MRTFB: variants seen among roughly 807,000 people sequenced by gnomAD.
MRTFB encodes the protein myocardin related transcription factor B, also known as myocardin-related transcription factor B.
Under a neutral mutation model 104.2 loss-of-function variants are expected in MRTFB, and 29 were observed. That is an observed-to-expected ratio of 0.28 (90% CI 0.21 to 0.38). The LOEUF is 0.38. Ranked by LOEUF, MRTFB falls within the 10% of genes least tolerant of loss-of-function variation. MRTFB has a pLI of 1.00. For synonymous variants in MRTFB, 535 were observed against 519.5 expected (o/e 1.03, Z -0.41); for missense variants, 1,270 against 1,341.6 (o/e 0.95, Z 0.83).
intron 8 of MRTFB, among the ~76,000 whole-genome samples, chr16:14,232,763 A>G (rs1225364887): frequency 1.3e-5 from 2 of 152,320 alleles, no homozygotes; most frequent in East Asian, 1.9e-4. Flanking sequence ...TTAAACAAAT[A>G]TTTGTTTGAG....
intron 3 of MRTFB, among the ~76,000 whole-genome samples, chr16:14,167,277 A>C (rs1015245828): frequency 2.0e-5 from 3 of 151,766 alleles, no homozygotes; most frequent in Non-Finnish European, 4.4e-5. Flanking sequence ...GCTTTTTTCC[A>C]GATGTTTGTT....
chr16:14,230,209 A>G (rs959672360), intron 8 of MRTFB, among the ~76,000 whole-genome samples: 1 of 152,124 alleles, frequency 6.6e-6, no homozygotes, highest in African/African-American at 2.4e-5. Flanking sequence ...TACCATTCAG[A>G]ACATAGGCAT....
At chr16:14,023,675 G>GTGTATATA in the MRTFB span, among the ~76,000 whole-genome samples, 15 of 145,070 alleles carry the variant, frequency 1.0e-4, no homozygotes, top group African/African-American at 3.0e-4. Context: ...GTGTGTGTGT[G>GTGTATATA]TCTATATATA....
the MRTFB span, among the ~76,000 whole-genome samples, chr16:14,040,911 C>T: frequency 5.3e-5 from 8 of 152,034 alleles, no homozygotes; most frequent in South Asian, 2.1e-4. Flanking sequence ...CCCAGGAGTT[C>T]GAGACCAGCC....
At chr16:14,158,989 A>C (rs9933913) in intron 3 of MRTFB, among the ~76,000 whole-genome samples, 26,351 of 151,002 alleles carry the variant, frequency 0.17, 3,796 homozygotes, top group African/African-American at 0.38. Context: ...AAAAAAAAAA[A>C]AAAAACTTAG....
At chr16:14,016,534 A>G in the MRTFB span, among the ~76,000 whole-genome samples, 1 of 152,088 alleles carries the variant, frequency 6.6e-6, no homozygotes, top group African/African-American at 2.4e-5. Context: ...GTACTTTGGG[A>G]GCCTGAAGTG....
At chr16:14,200,041 T>C (rs1225512166) in intron 3 of MRTFB, 1 of 463,116 alleles carries the variant, frequency 2.2e-6, no homozygotes, top group Non-Finnish European at 3.8e-6. Context: ...AGGTACTATC[T>C]TACCTTGTAA....
At chr16:14,252,086 C>T (rs2151433630) in intron 14 of MRTFB, 63 bp downstream of exon 14, 3 of 1,548,792 alleles carry the variant, frequency 1.9e-6, no homozygotes, top group Non-Finnish European at 1.8e-6. Flanking sequence ...ATTCCAAAGC[C>T]TAGTGCTTTG....
chr16:14,234,165 C>A lies in MRTFB; in HGVS notation c.713C>A (p.Thr238Lys), dbSNP rs780554600. ...CACCAGTTTGCTTCAGTGTCCCCAA[C>A]AGTTCCTGAATTCTTGAAAACTCCT... Reference protein sequence around the residue: ...TPAQFASVSPTVPEFLKTPPT... With the variant: ...TPAQFASVSPKVPEFLKTPPT... Residue 238 changes from threonine to lysine, a missense_variant, in exon 9 of 17, where the codon ACA becomes AAA. By Grantham distance (78) the Thr-to-Lys change is moderately conservative. This residue lies in a region of MRTFB where 1,144 missense variants were observed against 1,131.5 expected (regional missense o/e 1.01). Coordinates refer to ENST00000571589, the MANE Select transcript of MRTFB (RefSeq NM_001308142.2). 6.2e-7 allele frequency: 1 copy of A among 1,614,128 alleles called. No individual in the cohort carries two copies.
chr16:14,259,448 A>G (rs189847475), intron 16 of MRTFB, among the ~76,000 whole-genome samples: 1 of 151,934 alleles, frequency 6.6e-6, no homozygotes, highest in Non-Finnish European at 1.5e-5. Context: ...AACGAGAACC[A>G]AGTTTTATAT....
At chr16:14,146,599 A>C (rs146396986) in intron 3 of MRTFB, among the ~76,000 whole-genome samples, 2 of 152,220 alleles carry the variant, frequency 1.3e-5, no homozygotes, top group South Asian at 4.1e-4. Context: ...TATATTTGCA[A>C]ACAGTCAGGT....
At chr16:14,089,547 G>C (rs1181625769) in intron 2 of MRTFB, among the ~76,000 whole-genome samples, 1 of 152,122 alleles carries the variant, frequency 6.6e-6, no homozygotes, top group East Asian at 1.9e-4. Context: ...CATTGTGGTG[G>C]TTTCCACTTT....
chr16:14,010,447 C>T, the MRTFB span, among the ~76,000 whole-genome samples: 1 of 152,006 alleles, frequency 6.6e-6, no homozygotes, highest in Non-Finnish European at 1.5e-5. Flanking sequence ...TAGCTGGGGC[C>T]ACAGGCTCAG....
rs748633961 is a variant in MRTFB at position 14,240,220 on chromosome 16, C to A, written c.832-17C>A. On this transcript the variant is annotated splice_polypyrimidine_tract_variant and intron_variant, in intron 9 of 16. Transcript: ENST00000571589. ...GTGACATCTCTTTAAATGTTATTTTCTTTTTCTCAAAAATAGCAAAGCCAT... is the reference window on the plus strand; with the variant it reads ...GTGACATCTCTTTAAATGTTATTTTATTTTTCTCAAAAATAGCAAAGCCAT... 5.1e-6 allele frequency: 8 copies of A among 1,570,316 alleles called. No homozygotes were observed. The East Asian group carries it at 1.6e-4, about 31-fold the overall frequency.
At chr16:14,041,743 A>G in the MRTFB span, among the ~76,000 whole-genome samples, 1 of 151,810 alleles carries the variant, frequency 6.6e-6, no homozygotes, top group Non-Finnish European at 1.5e-5. Flanking sequence ...CCTGGCCAAC[A>G]TGGAGAAACC....
chr16:14,043,433 G>A, the MRTFB span, among the ~76,000 whole-genome samples: 14 of 152,000 alleles, frequency 9.2e-5, no homozygotes, highest in Admixed American at 4.6e-4. Context: ...GGGTGGTCTC[G>A]GTGCTGTGGT....
intron 3 of MRTFB, chr16:14,141,535 C>T (rs942386980): frequency 3.3e-5 from 5 of 152,128 alleles, no homozygotes; most frequent in African/African-American, 1.2e-4. Flanking sequence ...ATGAGTCCCA[C>T]ACTCACAAGT....
intron 3 of MRTFB, among the ~76,000 whole-genome samples, chr16:14,205,130 C>G (rs992188957): frequency 1.3e-5 from 2 of 152,162 alleles, no homozygotes; most frequent in Non-Finnish European, 2.9e-5. Context: ...AGAGGAAATA[C>G]ATGGTAACTC....
chr16:14,246,540 T>C lies in MRTFB; in HGVS notation c.1280T>C (p.Ile427Thr), dbSNP rs1304569812. The C allele has an allele frequency of 5.6e-6, 9 of 1,614,048 alleles. No homozygotes were observed. Among genetic ancestry groups the C allele is most frequent in the Non-Finnish European group, 6.8e-6 (8 of 1,180,028 alleles). Residue 427 changes from isoleucine to threonine, a missense_variant, in exon 12 of 17, where the codon ATT becomes ACT. By Grantham distance (89) the Ile-to-Thr change is moderately conservative. Coordinates refer to ENST00000571589, the MANE Select transcript of MRTFB (RefSeq NM_001308142.2). ...LPVSGTKPDL[I>T]ERLKPYQEVN... ...GTGTCAGGCACCAAACCGGACCTCA[T>C]TGAGCGCCTAAAACCCTACCAGGAA...
Sources: allele counts gnomAD v4.1 joint callset (sites outside exome capture counted in the v4.1 genomes callset), GRCh38; gene constraint gnomAD v4.1.1; regional missense constraint gnomAD v4.1.1; transcripts MANE v1.5; gene names NCBI Gene and HGNC (gene_info 2026-07-23, HGNC 2026-07-21).